Variants in SH3BP1 observed in about 807,000 individuals in gnomAD.
The protein encoded by SH3BP1 is SH3 domain-binding protein 1.
Under a neutral mutation model 69.8 loss-of-function variants are expected in SH3BP1, and 46 were observed. The observed-to-expected ratio is 0.66, with a 90% CI of 0.52 to 0.84. The LOEUF (loss-of-function observed/expected upper bound fraction) is 0.84. Among genes scored for constraint, SH3BP1 ranks in the 40% least tolerant of loss-of-function variants. The pLI is 0.00. For missense variants in SH3BP1, 868 were observed against 930.9 expected (o/e 0.93, Z 0.88); for synonymous variants, 403 against 378.0 (o/e 1.07, Z -0.77).
intron 17 of SH3BP1, among the ~76,000 whole-genome samples, chr22:37,654,654 G>C (rs754204836): frequency 1.4e-4 from 22 of 152,094 alleles, no homozygotes; most frequent in Non-Finnish European, 2.9e-4. Context: ...CTCCTTCTGA[G>C]CCCCTCTGGC....
At chr22:37,641,787 AAG>A in intron 3 of SH3BP1, 1 of 339,928 alleles carries the variant, frequency 2.9e-6, no homozygotes, top group Admixed American at 4.5e-5. Flanking sequence ...GGGTTTCCTG[AAG>A]GAGGTAGCAA....
In SH3BP1 at chr22:37,642,974, G is replaced by C. The variant is rs1388175864; in HGVS notation, c.364G>C (p.Asp122His). The change falls in exon 5 of 18, where the codon GAC becomes CAC. Residue 122 changes from aspartate (D) to histidine (H), a missense_variant. By Grantham distance (81) the Asp-to-His change is moderately conservative. Coordinates refer to ENST00000649765, the MANE Select transcript of SH3BP1 (RefSeq NM_018957.6). ...LAEFEMTLER[D>H]VLQPLSRLSE... ...CGAGTTTGAGATGACCCTGGAGAGGGACGTCCTGCAGCCACTCAGCAGGCT... is the reference window on the plus strand; with the variant it reads ...CGAGTTTGAGATGACCCTGGAGAGGCACGTCCTGCAGCCACTCAGCAGGCT... 1 of 1,612,842 alleles carries C rather than the reference G, an allele frequency of 6.2e-7. No homozygotes were observed. Among genetic ancestry groups the C allele is most frequent in the Non-Finnish European group, 8.5e-7 (1 of 1,179,996 alleles).
At chr22:37,650,942 T>A (rs2146069207) in intron 16 of SH3BP1, among the ~76,000 whole-genome samples, 1 of 152,364 alleles carries the variant, frequency 6.6e-6, no homozygotes, top group East Asian at 1.9e-4. Flanking sequence ...CATGTAGCAA[T>A]TTCCTGAGCA....
chr22:37,654,015 C>A (rs1028162223), intron 17 of SH3BP1, 142 bp downstream of exon 17: 2 of 644,216 alleles, frequency 3.1e-6, no homozygotes, highest in Non-Finnish European at 5.5e-6. Context: ...TGCCACCTGG[C>A]ACTCTGGGTT....
At chr22:37,642,392 A>G (rs1932629258) in intron 3 of SH3BP1, 147 bp from the exon 4 acceptor site, 4 of 697,374 alleles carry the variant, frequency 5.7e-6, no homozygotes, top group Non-Finnish European at 9.9e-6. Flanking sequence ...TGTCACCCCC[A>G]CCACGCCTTG....
intron 9 of SH3BP1, 127 bp downstream of exon 9, chr22:37,645,087 C>G (rs777156902): frequency 2.2e-5 from 21 of 937,938 alleles, no homozygotes; most frequent in Non-Finnish European, 3.4e-5. Flanking sequence ...TAGGCTCAAT[C>G]TGTGATGGAG....
intron 16 of SH3BP1, among the ~76,000 whole-genome samples, chr22:37,653,414 C>T (rs1299500776): frequency 2.0e-5 from 3 of 152,030 alleles, no homozygotes; most frequent in Admixed American, 6.5e-5. Context: ...CCAGCCTGGG[C>T]GACAGAGTGA....
intron 16 of SH3BP1, 52 bp downstream of exon 16, chr22:37,650,777 G>GC (rs771424543): frequency 7.2e-5 from 109 of 1,514,294 alleles, no homozygotes; most frequent in Non-Finnish European, 9.4e-5. Flanking sequence ...CAATCAGCCT[G>GC]CCTGAGGCGC....
intron 4 of SH3BP1, 30 bp from the exon 5 acceptor site, chr22:37,642,865 G>C (rs767463520): frequency 6.2e-7 from 1 of 1,601,750 alleles, no homozygotes; most frequent in Non-Finnish European, 8.5e-7. Context: ...GGCAGCGGGC[G>C]CCTGGACCCA....
intron 6 of SH3BP1, 63 bp from the exon 7 acceptor site, chr22:37,643,581 G>A: frequency 1.2e-6 from 2 of 1,606,092 alleles, no homozygotes; most frequent in South Asian, 2.2e-5. Context: ...CTGTATGGAG[G>A]GGACACTTGG....
At position 37,643,355 on chromosome 22, in the gene SH3BP1, C is replaced by T. The variant is rs61142059; in HGVS notation, c.473+181C>T. On this transcript the variant is annotated intron_variant, in intron 6 of 17. Coordinates refer to ENST00000649765, the MANE Select transcript of SH3BP1 (RefSeq NM_018957.6). Reference sequence around the variant, plus strand: ...GTTAGCGTATCTGTGAGGGTGTGCCCGCGTGTGTCACAGCTGGTGCTGGGG... The same window carrying T: ...GTTAGCGTATCTGTGAGGGTGTGCCTGCGTGTGTCACAGCTGGTGCTGGGG... 3,378 of 671,688 alleles carry T rather than the reference C, an allele frequency of 5.0e-3. 100 individuals carry two copies. The African/African-American group carries it at 0.056, about 11-fold the overall frequency. 41.6% of individuals were successfully genotyped at this position (671,688 alleles called of 1,614,324 possible).
chr22:37,655,315 GGTCTCC>G lies in SH3BP1; in HGVS notation c.1739_1744del (p.Val580_Ser581del). Reference sequence around the variant, plus strand: ...CCCGGCCCACCATGCCGCCCCCCCAGGTCTCCGGCTCCCGCTCCTCCCCTCCAGCCC... The same window carrying G: ...CCCGGCCCACCATGCCGCCCCCCCAGGGCTCCCGCTCCTCCCCTCCAGCCC... On this transcript the variant is annotated inframe_deletion, in exon 18 of 18. Transcript: ENST00000649765. 1 of 1,410,818 alleles carries G rather than the reference GGTCTCC, an allele frequency of 7.1e-7. No homozygotes were observed. The highest frequency in any genetic ancestry group is 2.8e-5 in the East Asian group (1 of 35,974). The allele number at this position is 1,410,818 out of a possible 1,614,324, so 87.4% of individuals were successfully genotyped here. A position where few individuals can be genotyped will look rare whatever the true frequency, so the allele number is the denominator to read the frequency against.
chr22:37,650,503 G>A (rs779910781), intron 15 of SH3BP1, 39 bp from the exon 16 acceptor site: 43 of 1,578,108 alleles, frequency 2.7e-5, no homozygotes, highest in South Asian at 3.5e-5. Context: ...GGAGCCTGGC[G>A]CGGTCTCTGA....
chr22:37,652,973 T>C (rs1234922890), intron 16 of SH3BP1, among the ~76,000 whole-genome samples: 1 of 150,598 alleles, frequency 6.6e-6, no homozygotes, highest in Admixed American at 6.6e-5. Flanking sequence ...CCATCTCTAC[T>C]AAAAATGCAA....
intron 3 of SH3BP1, 65 bp from the exon 4 acceptor site, chr22:37,642,474 G>GA: frequency 6.4e-7 from 1 of 1,558,406 alleles, no homozygotes. Flanking sequence ...CAAGGGGCTG[G>GA]CCTGGTGCTC....
intron 1 of SH3BP1, 100 bp downstream of exon 1, chr22:37,639,946 T>C (rs1932521096): frequency 1.2e-6 from 1 of 869,364 alleles, no homozygotes; most frequent in African/African-American, 1.8e-5. Context: ...TGGGGACAGC[T>C]GGGCAGCCAC....
intron 14 of SH3BP1, chr22:37,648,806 C>T: frequency 5.2e-6 from 1 of 191,988 alleles, no homozygotes; most frequent in Non-Finnish European, 1.1e-5. Context: ...CGGGTTCAAG[C>T]GATTCTTCTG....
At position 37,643,866 on chromosome 22, in the gene SH3BP1, G is replaced by T. The variant is rs147904245; in HGVS notation, c.618+78G>T. 6.8e-4 allele frequency: 1,068 copies of T among 1,562,072 alleles called. 6 individuals are homozygous for T. The African/African-American group carries it at 0.013, about 19-fold the overall frequency. ...GGCCCATCTCACAGGCAAGGAAGCT[G>T]AAGTTCAGAGAGGTGACATGACTTG... On this transcript the variant is annotated intron_variant, in intron 7 of 17. Transcript: ENST00000649765.
intron 6 of SH3BP1, chr22:37,643,440 G>A (rs1216246703): frequency 4.2e-6 from 3 of 706,914 alleles, no homozygotes; most frequent in Non-Finnish European, 7.0e-6. Context: ...TCCCCTCTGT[G>A]GAGTGGCTGT....
Sources: allele counts gnomAD v4.1 joint callset (sites outside exome capture counted in the v4.1 genomes callset), GRCh38; gene constraint gnomAD v4.1.1; transcripts MANE v1.5; gene names NCBI Gene and HGNC (gene_info 2026-07-23, HGNC 2026-07-21).